The following RNF220 variants were observed in gnomAD, a reference collection of about 807,000 sequenced individuals.
RNF220 encodes the protein E3 ubiquitin-protein ligase RNF220.
In RNF220, 7 loss-of-function variants were observed where a neutral mutation model predicts 67.1. That is an observed-to-expected ratio of 0.10 (90% CI 0.06 to 0.20). The LOEUF (loss-of-function observed/expected upper bound fraction) is 0.20. Among genes scored for constraint, RNF220 ranks in the 10% least tolerant of loss-of-function variants. RNF220 has a pLI of 1.00. For synonymous variants in RNF220, 270 were observed against 283.2 expected, an observed-to-expected ratio of 0.95 and a Z score of 0.47; for missense variants, 565 against 740.3, an observed-to-expected ratio of 0.76 and a Z score of 2.75.
intron 8 of RNF220, among the ~76,000 whole-genome samples, chr1:44,639,616 G>A (rs1356605373): frequency 6.6e-6 from 1 of 152,184 alleles, no homozygotes; most frequent in Non-Finnish European, 1.5e-5. Flanking sequence ...AAGACAGTCA[G>A]CAGTGCAGGG....
At chr1:44,474,573 G>A (rs2148002688) in intron 2 of RNF220, among the ~76,000 whole-genome samples, 1 of 151,554 alleles carries the variant, frequency 6.6e-6, no homozygotes, top group South Asian at 2.1e-4. Context: ...GCTGTGTGTG[G>A]TGGCATGCAC....
At chr1:44,603,963 G>A (rs1006162451) in intron 2 of RNF220, among the ~76,000 whole-genome samples, 5 of 152,236 alleles carry the variant, frequency 3.3e-5, no homozygotes, top group African/African-American at 7.2e-5. Context: ...CCACAGCTGC[G>A]GAGGTTCCCA....
intron 2 of RNF220, among the ~76,000 whole-genome samples, chr1:44,465,517 G>A (rs1358897023): frequency 6.6e-6 from 1 of 150,786 alleles, no homozygotes; most frequent in African/African-American, 2.4e-5. Flanking sequence ...TGATCCTCCT[G>A]CCTCAGCTTC....
rs1004159356 is a variant in RNF220 at position 44,600,878 on chromosome 1, C to G, written c.626-13287C>G. ...AGTAAGCATTTGATTAGTGTTACCACTTCCCTTCTTCCTCATCTCTTCAAC... is the reference window on the plus strand; with the variant it reads ...AGTAAGCATTTGATTAGTGTTACCAGTTCCCTTCTTCCTCATCTCTTCAAC... On this transcript the variant is annotated intron_variant, in intron 2 of 14. Coordinates refer to ENST00000361799, the MANE Select transcript of RNF220 (RefSeq NM_018150.4). This position sits in a 1 kb window ranked among gnomAD's most constrained non-coding sequence, Gnocchi z 4.0. 2.0e-5 allele frequency among the ~76,000 whole-genome samples: 3 copies of G among 152,088 alleles called. No homozygotes were observed. The highest frequency in any genetic ancestry group is 2.4e-5 in the African/African-American group (1 of 41,402).
At chr1:44,614,422 C>A in intron 3 of RNF220, 125 bp downstream of exon 3, 1 of 1,021,544 alleles carries the variant, frequency 9.8e-7, no homozygotes, top group Non-Finnish European at 1.4e-6. Flanking sequence ...CCCTGCCACC[C>A]TTCTCCACAA....
intron 2 of RNF220, among the ~76,000 whole-genome samples, chr1:44,561,525 A>C (rs1487393081): frequency 6.6e-6 from 1 of 152,220 alleles, no homozygotes; most frequent in Non-Finnish European, 1.5e-5. Flanking sequence ...TTTGCTAAGC[A>C]TTCAGGGAGA....
intron 2 of RNF220, among the ~76,000 whole-genome samples, chr1:44,505,404 C>T (rs769045489): frequency 5.9e-5 from 9 of 152,204 alleles, no homozygotes; most frequent in East Asian, 3.9e-4. Flanking sequence ...CTTGGCTCTA[C>T]GTGGGCTCCT....
At chr1:44,445,765 T>C (rs1482338767) in intron 2 of RNF220, among the ~76,000 whole-genome samples, 1 of 152,222 alleles carries the variant, frequency 6.6e-6, no homozygotes. Flanking sequence ...TCTTTATTTC[T>C]AGCAAGGCAC....
At chr1:44,605,544 A>G (rs5027205) in intron 2 of RNF220, among the ~76,000 whole-genome samples, 72,658 of 152,118 alleles carry the variant, frequency 0.48, 18,321 homozygotes, top group Middle Eastern at 0.6. Flanking sequence ...TGCTGGGGCT[A>G]TAGCAGGGAA....
intron 2 of RNF220, among the ~76,000 whole-genome samples, chr1:44,585,342 T>C (rs1202526408): frequency 6.6e-6 from 1 of 152,164 alleles, no homozygotes; most frequent in Non-Finnish European, 1.5e-5. Flanking sequence ...CTCTCTTTCA[T>C]ACACCAAAAA....
At chr1:44,496,263 T>C (rs1403612258) in intron 2 of RNF220, among the ~76,000 whole-genome samples, 1 of 152,190 alleles carries the variant, frequency 6.6e-6, no homozygotes, top group Non-Finnish European at 1.5e-5. Flanking sequence ...GAAATCCCAG[T>C]GAAGCTGGGG....
At chr1:44,574,741 C>A (rs532938571) in intron 2 of RNF220, among the ~76,000 whole-genome samples, 14 of 152,324 alleles carry the variant, frequency 9.2e-5, no homozygotes, top group African/African-American at 2.6e-4. Flanking sequence ...CTTTGAGAAG[C>A]CTTCCCTGAC....
intron 3 of RNF220, among the ~76,000 whole-genome samples, chr1:44,615,771 G>A (rs893780517): frequency 6.6e-6 from 1 of 152,204 alleles, no homozygotes; most frequent in East Asian, 1.9e-4. Flanking sequence ...AATTTTGAAG[G>A]AAGAAATATT....
At chr1:44,592,076 T>G (rs986013609) in intron 2 of RNF220, among the ~76,000 whole-genome samples, 5 of 151,980 alleles carry the variant, frequency 3.3e-5, no homozygotes, top group Admixed American at 3.3e-4. Context: ...GGACTAAGTT[T>G]GGAAAAGGAC....
At position 44,650,701 on chromosome 1, in the gene RNF220, C is replaced by T. The variant is rs771212341; in HGVS notation, c.1630-3C>T. On this transcript the variant is annotated splice_polypyrimidine_tract_variant and splice_region_variant and intron_variant, in intron 14 of 14. Coordinates refer to ENST00000361799, the MANE Select transcript of RNF220 (RefSeq NM_018150.4). The surrounding 1 kb of genome is among the most constrained non-coding windows in gnomAD (Gnocchi z 4.3). ...ACCAGAGCCCTCCCTGTTCTCCCTG[C>T]AGGGTGCCAAGAAGCTCTGCCCTCA... is the stretch of plus-strand genomic sequence containing the variant. The T allele has an allele frequency of 1.4e-5, 22 of 1,613,580 alleles. No homozygotes were observed. In the Admixed American group the frequency reaches 3.3e-4, roughly 24 times the overall value.
chr1:44,631,995 T>C, intron 5 of RNF220: 2 of 1,011,512 alleles, frequency 2.0e-6, no homozygotes, highest in Non-Finnish European at 2.4e-6. Flanking sequence ...CGCCGCCGCT[T>C]GGAGCTGAAG....
At chr1:44,504,433 T>G (rs1034579750) in intron 2 of RNF220, among the ~76,000 whole-genome samples, 94 of 152,296 alleles carry the variant, frequency 6.2e-4, no homozygotes, top group Non-Finnish European at 1.8e-4. Context: ...CTTCTGAGCC[T>G]TGACTGGCCC....
At chr1:44,484,331 C>A (rs1309152729) in intron 2 of RNF220, among the ~76,000 whole-genome samples, 1 of 152,072 alleles carries the variant, frequency 6.6e-6, no homozygotes, top group Non-Finnish European at 1.5e-5. Context: ...CACCTACGAT[C>A]CAGTGAGTGG....
chr1:44,477,681 T>C (rs376271321), intron 2 of RNF220, among the ~76,000 whole-genome samples: 3 of 152,284 alleles, frequency 2.0e-5, no homozygotes, highest in East Asian at 3.9e-4. Flanking sequence ...AATCCAAAGA[T>C]GTTCATTCTG....
Sources: gnomAD v4.1 joint callset for allele counts (sites outside exome capture counted in the v4.1 genomes callset) on GRCh38, gnomAD v4.1.1 for gene constraint, Gnocchi (gnomAD v3.1) non-coding constraint, MANE v1.5 for transcripts, NCBI Gene and HGNC (gene_info 2026-07-23, HGNC 2026-07-21) for gene names.